Variants in NT5C observed in about 807,000 individuals in gnomAD.
NT5C encodes 5'(3')-deoxyribonucleotidase, cytosolic type.
A neutral mutation model predicts 17.6 loss-of-function variants in NT5C; 14 were observed. The ratio of observed to expected loss-of-function variants is 0.79; its 90% CI spans 0.52 to 1.24. The LOEUF is 1.24. Among genes scored for constraint, NT5C ranks in the 50% most tolerant of loss-of-function variants. The pLI, the probability that NT5C is intolerant of heterozygous loss-of-function variation, is 0.00. For synonymous variants in NT5C, 153 were observed against 119.2 expected, an observed-to-expected ratio of 1.28 and a Z score of -1.85; for missense variants, 328 against 278.3, an observed-to-expected ratio of 1.18 and a Z score of -1.27.
chr17:75,131,025 T>C lies in NT5C; in HGVS notation c.336+20A>G, dbSNP rs747051599. On this transcript the variant is annotated intron_variant, in intron 3 of 4. Coordinates refer to ENST00000245552, the MANE Select transcript of NT5C (RefSeq NM_014595.3). ...GATTTAGGCAGCTCCACGTGCGGAG[T>C]AGGGGCGGGGCAGCCACACCTTCTC... is the stretch of plus-strand genomic sequence containing the variant. 92 of 1,609,604 alleles carry C rather than the reference T, an allele frequency of 5.7e-5. No individual in the cohort carries two copies. Among genetic ancestry groups the C allele is most frequent in the Non-Finnish European group, 7.1e-5 (84 of 1,178,558 alleles).
intron 1 of NT5C, 126 bp downstream of exon 1, chr17:75,131,408 G>T: frequency 1.4e-6 from 2 of 1,393,332 alleles, no homozygotes; most frequent in East Asian, 2.5e-5. Context: ...GCGCCCAAAG[G>T]CTCCTCCCCA....
rs984848398 is a variant in NT5C, at chr17:75,130,861, A to G, written c.343T>C (p.Trp115Arg). 4.3e-6 allele frequency: 7 copies of G among 1,614,020 alleles called. No individual in the cohort carries two copies. The African/African-American group carries it at 5.3e-5, about 12-fold the overall frequency. ...YHHCVGEKYR[W>R]VEQHLGPQFV... ...TGGGGCCCCAGGTGCTGCTCCACCC[A>G]GCGGTACTGTGTAGAAAACACAGTC... The change falls in exon 4 of 5, where the codon TGG (tryptophan) becomes CGG (arginine). Residue 115 changes from tryptophan (W) to arginine (R), a missense_variant. Coordinates refer to ENST00000245552, the MANE Select transcript of NT5C (RefSeq NM_014595.3).
Position 75,130,394 on chromosome 17 carries a change from G to A in NT5C, c.*94C>T. 6.7e-6 allele frequency: 10 copies of A among 1,482,628 alleles called. No individual in the cohort carries two copies. Among genetic ancestry groups the A allele is most frequent in the Admixed American group, 3.6e-5 (2 of 55,810 alleles). The allele number at this position is 1,482,628 out of a possible 1,614,324, so 91.8% of individuals were successfully genotyped here. On this transcript the variant is annotated 3_prime_UTR_variant, in exon 5 of 5. Coordinates refer to ENST00000245552, the MANE Select transcript of NT5C (RefSeq NM_014595.3). The stretch of plus-strand genomic sequence containing the variant: ...GCCTGCTCCACTCCACGGGGCCAGA[G>A]GCACCAGCACGATGCCGCCCCGACT...
At chr17:75,131,459 C>T in intron 1 of NT5C, 75 bp downstream of exon 1, 1 of 1,421,560 alleles carries the variant, frequency 7.0e-7, no homozygotes, top group Non-Finnish European at 9.3e-7. Flanking sequence ...AGCTCTGCGC[C>T]CTTCACAGAG....
Position 75,131,497 on chromosome 17 carries a change from G to A in NT5C, c.174+37C>T, listed in dbSNP as rs1021533953. The stretch of plus-strand genomic sequence containing the variant: ...GGGGGAGACCCCCGGAACGGAGCGA[G>A]CGGGCCCTGCCCGGGTGGGGACCCT... On this transcript the variant is annotated intron_variant, in intron 1 of 4. Transcript: ENST00000245552. 1.5e-5 allele frequency: 22 copies of A among 1,431,088 alleles called. No individual in the cohort carries two copies. The South Asian group carries it at 3.0e-4, about 19-fold the overall frequency. 88.6% of individuals were successfully genotyped at this position (1,431,088 alleles called of 1,614,324 possible).
Position 75,130,762 on chromosome 17 carries a change from T to G in NT5C, c.442A>C (p.Thr148Pro). 1.2e-6 allele frequency: 2 copies of G among 1,614,186 alleles called. No homozygotes were observed. The highest frequency in any genetic ancestry group is 1.7e-6 in the Non-Finnish European group (2 of 1,180,004). Residue 148 changes from threonine to proline, a missense_variant, in exon 4 of 5, where the codon ACA becomes CCA. By Grantham distance (38) the Thr-to-Pro change is conservative. Coordinates refer to ENST00000245552, the MANE Select transcript of NT5C (RefSeq NM_014595.3). ...GGATAACGGGTCCAACCTCGAACTG[T>G]GTCCTTGTCATCAATGAGCAGGTCC... is the stretch of plus-strand genomic sequence containing the variant. ...LGDLLIDDKD[T>P]VRGQEETPSW...
In NT5C at chr17:75,130,338, G is replaced by A. The variant is rs1170236844; in HGVS notation, c.*150C>T. ...GGGAGGTACCGGGTGGCTGGGCCTGGGGCCCGGTAGCACAGCGCTTAACGG... is the reference window on the plus strand; with the variant it reads ...GGGAGGTACCGGGTGGCTGGGCCTGAGGCCCGGTAGCACAGCGCTTAACGG... On this transcript the variant is annotated 3_prime_UTR_variant, in exon 5 of 5. Coordinates refer to ENST00000245552, the MANE Select transcript of NT5C (RefSeq NM_014595.3). The A allele has an allele frequency of 4.0e-6, 4 of 1,004,818 alleles. No individual in the cohort carries two copies. In the African/African-American group the frequency reaches 4.8e-5, roughly 12 times the overall value. 62.2% of individuals were successfully genotyped at this position (1,004,818 alleles called of 1,614,324 possible).
rs773570627 is a variant in NT5C at position 75,131,052 on chromosome 17, C to A, written c.329G>T (p.Gly110Val). 4.3e-6 allele frequency: 7 copies of A among 1,612,536 alleles called. No homozygotes were observed. Among genetic ancestry groups the A allele is most frequent in the Non-Finnish European group, 5.9e-6 (7 of 1,179,496 alleles). ...SPLLKYHHCV[G>V]EKYRWVEQHL... The stretch of plus-strand genomic sequence containing the variant: ...GGGGCGGGGCAGCCACACCTTCTCA[C>A]CCACACAGTGGTGGTACTTCAGCAG... The change falls in exon 3 of 5, where the codon GGT becomes GTT. Residue 110 changes from glycine (G) to valine (V), a missense_variant. By Grantham distance (109) the Gly-to-Val change is moderately radical. Coordinates refer to ENST00000245552, the MANE Select transcript of NT5C (RefSeq NM_014595.3).
chr17:75,130,759 C>A lies in NT5C; in HGVS notation c.445G>T (p.Val149Phe), dbSNP rs780900232. ...GDLLIDDKDT[V>F]RGQEETPSWE... ...CAAGGATAACGGGTCCAACCTCGAA[C>A]TGTGTCCTTGTCATCAATGAGCAGG... is the stretch of plus-strand genomic sequence containing the variant. Residue 149 changes from valine (V) to phenylalanine (F), a missense_variant, in exon 4 of 5, where the codon GTT (valine) becomes TTT (phenylalanine). Transcript: ENST00000245552. 3 of 1,614,186 alleles carry A rather than the reference C, an allele frequency of 1.9e-6. No individual in the cohort carries two copies. The East Asian group carries it at 6.7e-5, about 36-fold the overall frequency.
Position 75,130,526 on chromosome 17 carries a change from T to A in NT5C, c.568A>T (p.Ile190Phe). Reference protein sequence around the residue: ...LLSWSDNWREILDSKRGAAQR... With the variant: ...LLSWSDNWREFLDSKRGAAQR... ...GCAGCTCCGCGCTTGCTATCTAAGA[T>A]CTCCCTCCAGTTGTCACTCCAGGAG... Residue 190 changes from isoleucine (I) to phenylalanine (F), a missense_variant, in exon 5 of 5, where the codon ATC becomes TTC. Physicochemically the swap from Ile to Phe is conservative, Grantham distance 21. Transcript: ENST00000245552. 1 of 1,614,108 alleles carries A rather than the reference T, an allele frequency of 6.2e-7. No individual in the cohort carries two copies. The highest frequency in any genetic ancestry group is 8.5e-7 in the Non-Finnish European group (1 of 1,180,010).
chr17:75,131,114 A>G lies in NT5C; in HGVS notation c.276-9T>C. The G allele has an allele frequency of 3.7e-6, 6 of 1,613,092 alleles. No individual in the cohort carries two copies. Among genetic ancestry groups the G allele is most frequent in the Non-Finnish European group, 5.1e-6 (6 of 1,179,896 alleles). On this transcript the variant is annotated splice_polypyrimidine_tract_variant and intron_variant, in intron 2 of 4. Transcript: ENST00000245552. Reference sequence around the variant, plus strand: ...AGATGAAGACCTGCGTGCTGCGGAGAAGGACGCGGTTACCGCCGGGAGCCA... The same window carrying G: ...AGATGAAGACCTGCGTGCTGCGGAGGAGGACGCGGTTACCGCCGGGAGCCA...
In NT5C at chr17:75,131,237, G is replaced by A; in HGVS notation, c.219C>T (p.Asp73=). ...CCAAGGCTCCCGGGATGGGCTCCAG[G>A]TCCAGGAAAAAGCCCGGGGCTTCGT... ...SVYEAPGFFL[D]LEPIPGALDA... is the part of the protein sequence containing the mutation. Residue 73 remains aspartate (D), a synonymous_variant, in exon 2 of 5, where the codon GAC becomes GAT. Transcript: ENST00000245552. 6.2e-7 allele frequency: 1 copy of A among 1,614,036 alleles called. No individual in the cohort carries two copies. Among genetic ancestry groups the A allele is most frequent in the South Asian group, 1.1e-5 (1 of 91,084 alleles).
chr17:75,131,085 G>A lies in NT5C; in HGVS notation c.296C>T (p.Thr99Ile). 2 of 1,613,230 alleles carry A rather than the reference G, an allele frequency of 1.2e-6. No homozygotes were observed. Among genetic ancestry groups the A allele is most frequent in the Non-Finnish European group, 1.7e-6 (2 of 1,179,812 alleles). The change falls in exon 3 of 5, where the codon ACC becomes ATC. Residue 99 changes from threonine (T) to isoleucine (I), a missense_variant. Physicochemically the swap from Thr to Ile is moderately conservative, Grantham distance 89 (BLOSUM62 -1). Coordinates refer to ENST00000245552, the MANE Select transcript of NT5C (RefSeq NM_014595.3). ...DLPDTQVFIC[T>I]SPLLKYHHCV... ...GTGGTGGTACTTCAGCAGGGGGCTG[G>A]TGCAGATGAAGACCTGCGTGCTGCG...
Position 75,130,752 on chromosome 17 carries a change from C to A in NT5C, c.451+1G>T. ...AGGCTGCCAAGGATAACGGGTCCAA[C>A]CTCGAACTGTGTCCTTGTCATCAAT... On this transcript the variant is annotated splice_donor_variant, in intron 4 of 4. Transcript: ENST00000245552. LOFTEE classifies it high-confidence loss of function. The A allele has an allele frequency of 6.2e-7, 1 of 1,614,178 alleles. No homozygotes were observed.
intron 3 of NT5C, 49 bp downstream of exon 3, chr17:75,130,996 T>C: frequency 6.2e-7 from 1 of 1,603,722 alleles, no homozygotes; most frequent in Non-Finnish European, 8.5e-7. Flanking sequence ...CTTTTTAAAA[T>C]CAGGATTTAG....
chr17:75,131,740 T>C lies in NT5C; in HGVS notation c.-33A>G, dbSNP rs1052539144. ...GGGCCGGAGCTGCGAGCTCTCGGGG[T>C]CTGGGGGGCGCGGGCTCGGCCGGAA... is the stretch of plus-strand genomic sequence containing the variant. On this transcript the variant is annotated 5_prime_UTR_variant, in exon 1 of 5. Transcript: ENST00000245552. 2.4e-6 allele frequency: 3 copies of C among 1,256,086 alleles called. No individual in the cohort carries two copies. The highest frequency in any genetic ancestry group is 8.4e-5 in the Admixed American group (2 of 23,694). The allele number at this position is 1,256,086 out of a possible 1,614,324, so 77.8% of individuals were successfully genotyped here.
intron 4 of NT5C, 25 bp downstream of exon 4, chr17:75,130,728 G>A (rs2074104115): frequency 6.2e-7 from 1 of 1,613,552 alleles, no homozygotes; most frequent in Non-Finnish European, 8.5e-7. Context: ...GAGGCCTGGA[G>A]GCTGCCAAGG....
Position 75,131,112 on chromosome 17 carries a change from A to T in NT5C, c.276-7T>A, listed in dbSNP as rs376973779. ...GCAGATGAAGACCTGCGTGCTGCGG[A>T]GAAGGACGCGGTTACCGCCGGGAGC... On this transcript the variant is annotated splice_polypyrimidine_tract_variant and splice_region_variant and intron_variant, in intron 2 of 4. Coordinates refer to ENST00000245552, the MANE Select transcript of NT5C (RefSeq NM_014595.3). The T allele has an allele frequency of 6.2e-7, 1 of 1,613,184 alleles. No homozygotes were observed. The highest frequency in any genetic ancestry group is 1.1e-5 in the South Asian group (1 of 91,020).
In NT5C at chr17:75,131,603, G is replaced by A; in HGVS notation, c.105C>T (p.His35=). ...AGCCGCGGCGTTGCTCCAGCGGCAC[G>A]TGCGGCTCCTCAGGGAAGCGGCGGC... The part of the protein sequence containing the change: ...GFRRRFPEEP[H]VPLEQRRGFL... The change falls in exon 1 of 5, where the codon CAC becomes CAT. Residue 35 remains histidine (H), a synonymous_variant. Coordinates refer to ENST00000245552, the MANE Select transcript of NT5C (RefSeq NM_014595.3). The A allele has an allele frequency of 7.2e-7, 1 of 1,396,768 alleles. No individual in the cohort carries two copies. The highest frequency in any genetic ancestry group is 3.3e-5 in the Admixed American group (1 of 29,930). 86.5% of individuals were successfully genotyped at this position (1,396,768 alleles called of 1,614,324 possible).
Sources: allele counts gnomAD v4.1 joint callset, GRCh38; gene constraint gnomAD v4.1.1; transcripts MANE v1.5; gene names NCBI Gene and HGNC (gene_info 2026-07-23, HGNC 2026-07-21).